ST6GALNAC5: variants seen among roughly 807,000 people sequenced by gnomAD.
ST6GALNAC5 encodes the protein ST6 N-acetylgalactosaminide alpha-2,6-sialyltransferase 5, also known as alpha-N-acetylgalactosaminide alpha-2,6-sialyltransferase 5.
Under a neutral mutation model 33.6 loss-of-function variants are expected in ST6GALNAC5, and 27 were observed. The ratio of observed to expected loss-of-function variants is 0.80; its 90% CI spans 0.59 to 1.11. The LOEUF is 1.11. ST6GALNAC5 is among the 50% of genes least tolerant of loss of function. The pLI is 0.00. For missense variants in ST6GALNAC5, 428 were observed against 454.0 expected (o/e 0.94, Z 0.52); for synonymous variants, 194 against 171.2 (o/e 1.13, Z -1.04).
chr1:77,050,659 A>G (rs745329866), intron 4 of ST6GALNAC5, among the ~76,000 whole-genome samples: 53 of 152,262 alleles, frequency 3.5e-4, no homozygotes, highest in Admixed American at 1.1e-3. Context: ...AACGATGAAC[A>G]AGCATTAAGA....
At chr1:77,008,197 G>A (rs935571854) in intron 2 of ST6GALNAC5, among the ~76,000 whole-genome samples, 5 of 152,160 alleles carry the variant, frequency 3.3e-5, no homozygotes, top group African/African-American at 1.2e-4. Flanking sequence ...GGGTTAGTTT[G>A]CCAGCTAAAA....
chr1:76,938,682 A>G (rs1469756361), intron 2 of ST6GALNAC5, among the ~76,000 whole-genome samples: 13 of 152,110 alleles, frequency 8.5e-5, no homozygotes, highest in African/African-American at 2.4e-5. Context: ...CTACTGTAGT[A>G]GTTTCTACCA....
intron 2 of ST6GALNAC5, among the ~76,000 whole-genome samples, chr1:76,996,381 G>T (rs934515579): frequency 6.6e-6 from 1 of 151,552 alleles, no homozygotes; most frequent in African/African-American, 2.4e-5. Flanking sequence ...CTTCCAGGAC[G>T]CAAACAAGAA....
intron 2 of ST6GALNAC5, among the ~76,000 whole-genome samples, chr1:76,995,201 C>A (rs1330637968): frequency 1.3e-5 from 2 of 152,204 alleles, no homozygotes; most frequent in East Asian, 1.9e-4. Context: ...AGTTCAAGAC[C>A]AGCTTGGGCA....
chr1:76,903,836 C>T (rs1289506936), intron 2 of ST6GALNAC5, among the ~76,000 whole-genome samples: 1 of 152,054 alleles, frequency 6.6e-6, no homozygotes. Flanking sequence ...ACTATATAAT[C>T]CCATTTATAT....
In ST6GALNAC5 at chr1:77,044,555, A is replaced by C. The variant is rs772097291; in HGVS notation, c.613A>C (p.Thr205Pro). The C allele has an allele frequency of 6.3e-6, 10 of 1,598,560 alleles. No individual in the cohort carries two copies. The highest frequency in any genetic ancestry group is 1.3e-5 in the African/African-American group (1 of 74,580). ...GCCCCGGCTGAAGGCCTTCATGATT[A>C]CTCGCCACAAGATGCTGCAGTTTGA... The part of the protein sequence containing the change: ...VLPRLKAFMI[T>P]RHKMLQFDEL... Residue 205 changes from threonine (T) to proline (P), a missense_variant, in exon 3 of 5, where the codon ACT (threonine) becomes CCT (proline). By Grantham distance (38) the Thr-to-Pro change is conservative (BLOSUM62 -1). Coordinates refer to ENST00000477717, the MANE Select transcript of ST6GALNAC5 (RefSeq NM_030965.3).
chr1:76,887,756 A>C (rs1039295314), intron 2 of ST6GALNAC5, among the ~76,000 whole-genome samples: 1 of 152,164 alleles, frequency 6.6e-6, no homozygotes, highest in Admixed American at 6.5e-5. Context: ...GTTGTTTGAA[A>C]ATTTTTTATG....
chr1:77,010,969 A>G (rs1650612422), intron 2 of ST6GALNAC5, among the ~76,000 whole-genome samples: 2 of 152,196 alleles, frequency 1.3e-5, no homozygotes, highest in Admixed American at 6.5e-5. Flanking sequence ...AGAGGCAGAA[A>G]TGTCTTCATC....
chr1:76,936,783 T>C lies in ST6GALNAC5; in HGVS notation c.261+68041T>C, dbSNP rs74092236. 3.8e-3 allele frequency among the ~76,000 whole-genome samples: 572 copies of C among 152,150 alleles called. 5 individuals are homozygous for C. Among genetic ancestry groups the C allele is most frequent in the African/African-American group, 0.013 (548 of 41,552 alleles). On this transcript the variant is annotated intron_variant, in intron 2 of 4. Transcript: ENST00000477717. The stretch of plus-strand genomic sequence containing the variant: ...TGAACTACTGATAATGAAATTTTGA[T>C]ACTAAAGATTTTTTCTAAGGCAGAG...
At chr1:76,928,644 A>C (rs999511866) in intron 2 of ST6GALNAC5, among the ~76,000 whole-genome samples, 6 of 152,140 alleles carry the variant, frequency 3.9e-5, no homozygotes, top group African/African-American at 1.4e-4. Context: ...ATAAGTGAGA[A>C]GGGTGCCTTA....
intron 2 of ST6GALNAC5, among the ~76,000 whole-genome samples, chr1:77,033,469 T>C (rs1297840439): frequency 6.6e-6 from 1 of 152,176 alleles, no homozygotes; most frequent in Admixed American, 6.5e-5. Flanking sequence ...CTCAACTTCC[T>C]CATCTAGTTA....
intron 4 of ST6GALNAC5, among the ~76,000 whole-genome samples, chr1:77,057,247 C>A (rs1483251328): frequency 6.6e-6 from 1 of 152,146 alleles, no homozygotes; most frequent in Non-Finnish European, 1.5e-5. Context: ...CAGCCCCAAA[C>A]CCAGTGGGCA....
intron 1 of ST6GALNAC5, 128 bp downstream of exon 1, chr1:76,867,818 A>G: frequency 3.8e-6 from 5 of 1,324,624 alleles, no homozygotes; most frequent in South Asian, 1.2e-5. Flanking sequence ...CAAAGGGACA[A>G]CTTTCTACCC....
At chr1:76,934,307 A>T (rs1647174903) in intron 2 of ST6GALNAC5, among the ~76,000 whole-genome samples, 1 of 152,044 alleles carries the variant, frequency 6.6e-6, no homozygotes, top group African/African-American at 2.4e-5. Flanking sequence ...AAATGGAGTT[A>T]CAATTGTATT....
At chr1:76,890,238 A>G (rs953494119) in intron 2 of ST6GALNAC5, among the ~76,000 whole-genome samples, 3 of 152,166 alleles carry the variant, frequency 2.0e-5, no homozygotes, top group African/African-American at 7.2e-5. Context: ...AATCTACATC[A>G]TTTTTATGAA....
At chr1:77,028,215 C>A (rs1651319309) in intron 2 of ST6GALNAC5, among the ~76,000 whole-genome samples, 1 of 152,214 alleles carries the variant, frequency 6.6e-6, no homozygotes, top group African/African-American at 2.4e-5. Context: ...GAAACAAGCA[C>A]AAAAGAAGAA....
intron 2 of ST6GALNAC5, among the ~76,000 whole-genome samples, chr1:77,010,163 T>C (rs1307534674): frequency 6.6e-6 from 1 of 152,102 alleles, no homozygotes; most frequent in East Asian, 1.9e-4. Flanking sequence ...GATCAATAAG[T>C]GTTAACTCAG....
chr1:77,015,125 G>A (rs149927708), intron 2 of ST6GALNAC5, among the ~76,000 whole-genome samples: 97 of 151,110 alleles, frequency 6.4e-4, no homozygotes, highest in African/African-American at 2.2e-3. Flanking sequence ...ATGCAATTAC[G>A]GAGGCCAAGA....
intron 2 of ST6GALNAC5, among the ~76,000 whole-genome samples, chr1:76,888,663 C>G (rs185135407): frequency 6.6e-6 from 1 of 151,614 alleles, no homozygotes; most frequent in East Asian, 1.9e-4. Flanking sequence ...TCCCCTTCTT[C>G]TTATTCCATT....
Sources: gnomAD v4.1 joint callset for allele counts (sites outside exome capture counted in the v4.1 genomes callset) on GRCh38, gnomAD v4.1.1 for gene constraint, MANE v1.5 for transcripts, NCBI Gene and HGNC (gene_info 2026-07-23, HGNC 2026-07-21) for gene names.